Variants in ESRRB observed in about 807,000 individuals in gnomAD.
ESRRB encodes the protein estrogen related receptor beta, also known as steroid hormone receptor ERR2.
A neutral mutation model predicts 46.0 loss-of-function variants in ESRRB; 16 were observed. That is an observed-to-expected ratio of 0.35 (90% CI 0.24 to 0.53). The LOEUF is 0.53. Ranked by LOEUF, ESRRB falls within the 20% of genes least tolerant of loss-of-function variation. ESRRB has a pLI of 0.93. For synonymous variants in ESRRB, 246 were observed against 259.6 expected (o/e 0.95, Z 0.50); for missense variants, 488 against 607.4 (o/e 0.80, Z 2.07).
At chr14:76,426,669 C>A (rs1387972930) in intron 1 of ESRRB, among the ~76,000 whole-genome samples, 1 of 152,214 alleles carries the variant, frequency 6.6e-6, no homozygotes, top group Admixed American at 6.5e-5. Context: ...GACAGGGACC[C>A]ATTCACCTTG....
intron 1 of ESRRB, among the ~76,000 whole-genome samples, chr14:76,383,856 G>T (rs1316874570): frequency 1.3e-5 from 2 of 152,204 alleles, no homozygotes; most frequent in Admixed American, 1.3e-4. Flanking sequence ...AACAAGAAGG[G>T]TGTAGACCTG....
At chr14:76,407,143 T>C (rs547792477) in intron 1 of ESRRB, among the ~76,000 whole-genome samples, 1 of 152,356 alleles carries the variant, frequency 6.6e-6, no homozygotes, top group South Asian at 2.1e-4. Context: ...GCACATTTTC[T>C]CTTTCTAGGA....
At chr14:76,358,356 AAAGAAAGAAAGAAAGAAAG>A (rs1884417844) in intron 1 of ESRRB, among the ~76,000 whole-genome samples, 2 of 81,552 alleles carry the variant, frequency 2.5e-5, no homozygotes, top group Non-Finnish European at 2.6e-5. Flanking sequence ...AGAAAGAAAG[AAAGAAAGAAAGAAAGAAAG>A]AAAGAAAGAA....
At chr14:76,440,516 T>A (rs1288723429) in intron 2 of ESRRB, among the ~76,000 whole-genome samples, 1 of 152,084 alleles carries the variant, frequency 6.6e-6, no homozygotes, top group Non-Finnish European at 1.5e-5. Context: ...TCATCCTGTC[T>A]GGATCCCAGT....
chr14:76,387,481 T>A (rs1428053482), intron 1 of ESRRB, among the ~76,000 whole-genome samples: 1 of 152,136 alleles, frequency 6.6e-6, no homozygotes, highest in Non-Finnish European at 1.5e-5. Context: ...GACCCTGGCT[T>A]TAGAAAGCAG....
chr14:76,500,678 C>T lies in ESRRB; in HGVS notation c.*2220C>T, dbSNP rs1890628784. 1.2e-6 allele frequency: 2 copies of T among 1,613,626 alleles called. No individual in the cohort carries two copies. Among genetic ancestry groups the T allele is most frequent in the African/African-American group, 2.7e-5 (2 of 74,914 alleles). ...GGGCATCATGCCCAGCTGGCATCTG[C>T]TGTCTGTCTTTTCTAGGGAAAGCAT... On this transcript the variant is annotated 3_prime_UTR_variant, in exon 7 of 7. Coordinates refer to ENST00000644823, the MANE Select transcript of ESRRB (RefSeq NM_001379180.1).
chr14:76,390,835 AG>A, intron 1 of ESRRB, among the ~76,000 whole-genome samples: 1 of 152,284 alleles, frequency 6.6e-6, no homozygotes, highest in Non-Finnish European at 1.5e-5. Context: ...ATTGTGCCCC[AG>A]GCCCTTTGAG....
At chr14:76,341,918 G>C (rs1884195888) in intron 1 of ESRRB, among the ~76,000 whole-genome samples, 1 of 152,224 alleles carries the variant, frequency 6.6e-6, no homozygotes, top group Non-Finnish European at 1.5e-5. Context: ...ACCTGCTGGA[G>C]AATGGTGAGG....
intron 1 of ESRRB, among the ~76,000 whole-genome samples, chr14:76,355,667 G>A (rs1448615364): frequency 1.3e-5 from 2 of 152,178 alleles, no homozygotes; most frequent in Non-Finnish European, 2.9e-5. Context: ...GGGTGGCCAA[G>A]CTGCCTAACT....
chr14:76,340,073 T>C (rs1468778536), intron 1 of ESRRB, among the ~76,000 whole-genome samples: 1 of 151,950 alleles, frequency 6.6e-6, no homozygotes, highest in African/African-American at 2.4e-5. Flanking sequence ...AATTACTGTG[T>C]ACTGACAGAT....
At chr14:76,360,996 T>A (rs1884455999) in intron 1 of ESRRB, among the ~76,000 whole-genome samples, 1 of 152,202 alleles carries the variant, frequency 6.6e-6, no homozygotes, top group African/African-American at 2.4e-5. Flanking sequence ...TGGCAAGACA[T>A]CTTATACCCA....
intron 1 of ESRRB, among the ~76,000 whole-genome samples, chr14:76,335,682 G>A (rs143699671): frequency 2.0e-5 from 3 of 152,260 alleles, no homozygotes; most frequent in Admixed American, 6.5e-5. Flanking sequence ...CTAAGTTGGC[G>A]AATTCTCTGA....
intron 1 of ESRRB, among the ~76,000 whole-genome samples, chr14:76,405,709 G>A (rs997501737): frequency 7.3e-5 from 11 of 151,662 alleles, no homozygotes; most frequent in African/African-American, 2.2e-4. Context: ...CTCTGAGGTC[G>A]CGCCACTGCA....
At position 76,498,640 on chromosome 14, in the gene ESRRB, CG is replaced by C; in HGVS notation, c.*186del. ...CTCCCGGGTGCAGTGGGGTGGGGGA[CG>C]GGGATGGGGGGGCAGGGGTGTGGGG... On this transcript the variant is annotated 3_prime_UTR_variant, in exon 7 of 7. Coordinates refer to ENST00000644823, the MANE Select transcript of ESRRB (RefSeq NM_001379180.1). The C allele has an allele frequency of 4.7e-6, 1 of 211,372 alleles. No homozygotes were observed. The highest frequency in any genetic ancestry group is 8.7e-6 in the Non-Finnish European group (1 of 114,682). 13.1% of individuals were successfully genotyped at this position (211,372 alleles called of 1,614,324 possible).
At chr14:76,403,235 G>A (rs144356184) in intron 1 of ESRRB, among the ~76,000 whole-genome samples, 41 of 152,256 alleles carry the variant, frequency 2.7e-4, no homozygotes, top group Admixed American at 4.6e-4. Flanking sequence ...AAAGAAATAC[G>A]CACAGAGTTG....
chr14:76,431,111 C>A (rs1315496581), intron 1 of ESRRB, among the ~76,000 whole-genome samples: 1 of 152,204 alleles, frequency 6.6e-6, no homozygotes, highest in Non-Finnish European at 1.5e-5. Flanking sequence ...GCCTACCCAA[C>A]ATGGTGAAAC....
intron 3 of ESRRB, among the ~76,000 whole-genome samples, chr14:76,471,471 C>T (rs1216298307): frequency 6.6e-6 from 1 of 152,196 alleles, no homozygotes; most frequent in Non-Finnish European, 1.5e-5. Flanking sequence ...CCTACCTCTT[C>T]AGTATCATCT....
intron 6 of ESRRB, among the ~76,000 whole-genome samples, chr14:76,496,437 T>C: frequency 6.6e-6 from 1 of 152,058 alleles, no homozygotes; most frequent in Non-Finnish European, 1.5e-5. Flanking sequence ...AGTGGGGCCA[T>C]CAGCTCCAGG....
chr14:76,434,477 CCT>C (rs1288081444), intron 1 of ESRRB, among the ~76,000 whole-genome samples: 1 of 151,816 alleles, frequency 6.6e-6, no homozygotes, highest in African/African-American at 2.4e-5. Flanking sequence ...ATAGCGAACC[CCT>C]GTCTCTACCA....
Sources: allele counts gnomAD v4.1 joint callset (sites outside exome capture counted in the v4.1 genomes callset), GRCh38; gene constraint gnomAD v4.1.1; transcripts MANE v1.5; gene names NCBI Gene and HGNC (gene_info 2026-07-23, HGNC 2026-07-21).